RB1CC1: variants seen among roughly 807,000 people sequenced by gnomAD.
RB1CC1 encodes the protein RB1-inducible coiled-coil protein 1.
A neutral mutation model predicts 177.5 loss-of-function variants in RB1CC1; 46 were observed. That is an observed-to-expected ratio of 0.26 (90% CI 0.20 to 0.33). The LOEUF (loss-of-function observed/expected upper bound fraction) is 0.33. RB1CC1 is among the 10% of genes least tolerant of loss of function. The pLI, the probability that RB1CC1 is intolerant of heterozygous loss-of-function variation, is 1.00. For synonymous variants in RB1CC1, 666 were observed against 613.6 expected (o/e 1.09, Z -1.26); for missense variants, 1,703 against 1,816.3 (o/e 0.94, Z 1.13).
At chr8:52,679,993 C>T (rs557531454) in intron 5 of RB1CC1, among the ~76,000 whole-genome samples, 1 of 152,220 alleles carries the variant, frequency 6.6e-6, no homozygotes, top group South Asian at 2.1e-4. Flanking sequence ...AACTGGGGAT[C>T]CCCTGTGATC....
intron 18 of RB1CC1, among the ~76,000 whole-genome samples, chr8:52,637,106 C>T (rs184450848): frequency 6.6e-6 from 1 of 152,132 alleles, no homozygotes; most frequent in Admixed American, 6.6e-5. Context: ...CCCTTTTCTG[C>T]AACATAACAC....
chr8:52,662,319 T>C (rs1851703139), intron 8 of RB1CC1, among the ~76,000 whole-genome samples: 1 of 152,082 alleles, frequency 6.6e-6, no homozygotes, highest in South Asian at 2.1e-4. Context: ...CTGTTTTTCT[T>C]AACTGTCCTT....
At chr8:52,642,881 T>C in intron 16 of RB1CC1, 69 bp from the exon 17 acceptor site, 4 of 1,372,790 alleles carry the variant, frequency 2.9e-6, no homozygotes, top group Non-Finnish European at 3.8e-6. Flanking sequence ...GAAAATACAC[T>C]TGCAAATATT....
Position 52,657,460 on chromosome 8 carries a change from T to A in RB1CC1, c.2369A>T (p.Asp790Val). 1 of 1,613,722 alleles carries A rather than the reference T, an allele frequency of 6.2e-7. No homozygotes were observed. Among genetic ancestry groups the A allele is most frequent in the Non-Finnish European group, 8.5e-7 (1 of 1,180,006 alleles). The part of the protein sequence containing the change: ...TNVCGKEDFG[D>V]HTSLNVQLER... ...CAACTGGACATTCAGAGAAGTATGA[T>A]CTCCAAAATCCTCCTTACCACATAC... Residue 790 changes from aspartate (D) to valine (V), a missense_variant, in exon 15 of 24, where the codon GAT becomes GTT. Coordinates refer to ENST00000025008, the MANE Select transcript of RB1CC1 (RefSeq NM_014781.5).
chr8:52,679,233 T>C (rs1162915956), intron 5 of RB1CC1, among the ~76,000 whole-genome samples: 1 of 152,230 alleles, frequency 6.6e-6, no homozygotes, highest in Non-Finnish European at 1.5e-5. Context: ...GAAAGCTACA[T>C]ACCTCCCTCA....
intron 6 of RB1CC1, among the ~76,000 whole-genome samples, chr8:52,674,699 C>T (rs534327130): frequency 2.7e-5 from 4 of 148,640 alleles, no homozygotes; most frequent in African/African-American, 9.9e-5. Context: ...ACCTGGGAGG[C>T]GGAGGCTGCA....
At chr8:52,643,238 T>C (rs1849728745) in intron 16 of RB1CC1, 1 of 155,132 alleles carries the variant, frequency 6.4e-6, no homozygotes, top group African/African-American at 2.4e-5. Flanking sequence ...TTTGGATATC[T>C]GCAATGGTCA....
intron 1 of RB1CC1, among the ~76,000 whole-genome samples, chr8:52,700,968 C>T (rs2150689348): frequency 6.6e-6 from 1 of 152,266 alleles, no homozygotes; most frequent in Non-Finnish European, 1.5e-5. Flanking sequence ...GGGAGGTTGA[C>T]CTAGGTGACA....
intron 1 of RB1CC1, among the ~76,000 whole-genome samples, chr8:52,697,641 T>C (rs759201462): frequency 2.0e-5 from 3 of 152,182 alleles, no homozygotes; most frequent in East Asian, 1.9e-4. Context: ...AGCTGGGCAG[T>C]AGAAAGGTGA....
chr8:52,712,040 A>G (rs533462088), intron 1 of RB1CC1, among the ~76,000 whole-genome samples: 1 of 152,286 alleles, frequency 6.6e-6, no homozygotes, highest in East Asian at 1.9e-4. Flanking sequence ...TCTCTACTCA[A>G]GAACAATTAC....
At chr8:52,707,927 T>C in intron 1 of RB1CC1, among the ~76,000 whole-genome samples, 1 of 152,182 alleles carries the variant, frequency 6.6e-6, no homozygotes, top group East Asian at 1.9e-4. Context: ...AACCTCCACA[T>C]ATCAGTTGAC....
At chr8:52,623,889 A>G (rs1848204899) in intron 23 of RB1CC1, 30 bp from the exon 24 acceptor site, 15 of 1,421,586 alleles carry the variant, frequency 1.1e-5, no homozygotes, top group African/African-American at 1.4e-5. Context: ...TGGAATCACT[A>G]GAGTGATTAA....
chr8:52,660,727 TG>T, intron 11 of RB1CC1, 70 bp from the exon 12 acceptor site: 1 of 1,403,588 alleles, frequency 7.1e-7, no homozygotes, highest in Non-Finnish European at 9.8e-7. Flanking sequence ...CTCTGGTTTT[TG>T]AAAAGGTAAA....
chr8:52,650,070 A>G (rs903126580), intron 15 of RB1CC1, among the ~76,000 whole-genome samples: 6 of 152,296 alleles, frequency 3.9e-5, no homozygotes, highest in African/African-American at 1.4e-4. Flanking sequence ...GACATAGCTA[A>G]TATACATATC....
At chr8:52,675,976 A>G (rs901295179) in intron 6 of RB1CC1, among the ~76,000 whole-genome samples, 2 of 151,684 alleles carry the variant, frequency 1.3e-5, no homozygotes, top group African/African-American at 2.4e-5. Flanking sequence ...GGCAATATTT[A>G]CAAAGAACTT....
chr8:52,708,237 C>T, intron 1 of RB1CC1, among the ~76,000 whole-genome samples: 1 of 152,200 alleles, frequency 6.6e-6, no homozygotes, highest in African/African-American at 2.4e-5. Flanking sequence ...CAAAGTATTG[C>T]CGGGCACACT....
At chr8:52,645,364 AG>A (rs1849925591) in intron 16 of RB1CC1, among the ~76,000 whole-genome samples, 1 of 152,158 alleles carries the variant, frequency 6.6e-6, no homozygotes, top group Admixed American at 6.6e-5. Context: ...AGTTCTCAAG[AG>A]GTTAAATGAT....
At chr8:52,633,505 C>T (rs1264419760) in intron 20 of RB1CC1, among the ~76,000 whole-genome samples, 1 of 152,120 alleles carries the variant, frequency 6.6e-6, no homozygotes, top group Non-Finnish European at 1.5e-5. Flanking sequence ...ACAGTATAAT[C>T]ACTACAAAAT....
At chr8:52,666,530 AAAG>A (rs1343473023) in intron 8 of RB1CC1, among the ~76,000 whole-genome samples, 4 of 85,388 alleles carry the variant, frequency 4.7e-5, no homozygotes, top group African/African-American at 1.2e-4. Flanking sequence ...AAAAAAAAAA[AAAG>A]AAAGAAAGAA....
Sources: allele counts gnomAD v4.1 joint callset (sites outside exome capture counted in the v4.1 genomes callset), GRCh38; gene constraint gnomAD v4.1.1; transcripts MANE v1.5; gene names NCBI Gene and HGNC (gene_info 2026-07-23, HGNC 2026-07-21).